Variants in ASTN2 observed in about 807,000 individuals in gnomAD.
ASTN2 encodes the protein astrotactin-2.
ASTN2 carries 54 observed loss-of-function variants against 139.8 expected under a neutral mutation model. The observed-to-expected ratio is 0.39, with a 90% CI of 0.31 to 0.48. The LOEUF (loss-of-function observed/expected upper bound fraction) is 0.48, where lower values mean the gene tolerates loss of function less well. Ranked by LOEUF, ASTN2 falls within the 20% of genes least tolerant of loss-of-function variation. The pLI is 0.95. For missense variants in ASTN2, 1,565 were observed against 1,725.1 expected, an observed-to-expected ratio of 0.91 and a Z score of 1.64; for synonymous variants, 756 against 719.5, an observed-to-expected ratio of 1.05 and a Z score of -0.81.
chr9:116,864,764 G>T (rs1490870707), intron 10 of ASTN2, among the ~76,000 whole-genome samples: 1 of 152,082 alleles, frequency 6.6e-6, no homozygotes, highest in Non-Finnish European at 1.5e-5. Flanking sequence ...AACACTAGAG[G>T]GGGTGTCTCT....
intron 10 of ASTN2, among the ~76,000 whole-genome samples, chr9:116,904,192 A>C (rs1208168594): frequency 6.6e-6 from 1 of 152,160 alleles, no homozygotes; most frequent in Non-Finnish European, 1.5e-5. Context: ...GGCCTACCAC[A>C]GGGCCTGGCA....
intron 5 of ASTN2, among the ~76,000 whole-genome samples, chr9:117,060,562 AAGAG>A (rs1360137127): frequency 1.4e-5 from 2 of 139,106 alleles, no homozygotes; most frequent in Non-Finnish European, 3.1e-5. Flanking sequence ...AAAAGAAAGA[AAGAG>A]GGAGGGAGGG....
intron 19 of ASTN2, among the ~76,000 whole-genome samples, chr9:116,605,507 C>T (rs905304321): frequency 1.1e-4 from 16 of 152,134 alleles, no homozygotes; most frequent in African/African-American, 3.9e-4. Context: ...TATCACCAGA[C>T]AGAAAAACAG....
At chr9:117,262,444 C>T (rs1833848180) in intron 2 of ASTN2, among the ~76,000 whole-genome samples, 1 of 149,432 alleles carries the variant, frequency 6.7e-6, no homozygotes, top group African/African-American at 2.5e-5. Context: ...CATCCTTTCC[C>T]TCTTCATTTT....
intron 17 of ASTN2, among the ~76,000 whole-genome samples, chr9:116,641,336 G>T (rs190511276): frequency 6.6e-6 from 1 of 152,260 alleles, no homozygotes; most frequent in Admixed American, 6.5e-5. Flanking sequence ...AGAGAGGAAA[G>T]TGAGAAGAGG....
At chr9:117,380,909 A>G (rs1830253735) in intron 1 of ASTN2, among the ~76,000 whole-genome samples, 1 of 152,190 alleles carries the variant, frequency 6.6e-6, no homozygotes, top group East Asian at 1.9e-4. Flanking sequence ...TTAGGTATAT[A>G]CCCAAGGAAA....
intron 2 of ASTN2, among the ~76,000 whole-genome samples, chr9:117,229,673 A>G (rs1370616092): frequency 6.6e-6 from 1 of 152,220 alleles, no homozygotes; most frequent in Non-Finnish European, 1.5e-5. Flanking sequence ...ATAAATGTTC[A>G]TGTCACACAG....
At chr9:116,663,152 G>A (rs1858661550) in intron 16 of ASTN2, among the ~76,000 whole-genome samples, 1 of 152,172 alleles carries the variant, frequency 6.6e-6, no homozygotes. Flanking sequence ...GAAATGCTCA[G>A]AAAAGATTAT....
intron 22 of ASTN2, among the ~76,000 whole-genome samples, chr9:116,429,063 G>A (rs905712343): frequency 6.6e-6 from 1 of 152,072 alleles, no homozygotes; most frequent in Admixed American, 6.5e-5. Flanking sequence ...TGGAGGCCAG[G>A]AGCAGTGGCT....
intron 7 of ASTN2, among the ~76,000 whole-genome samples, chr9:116,986,119 G>T (rs1836671259): frequency 6.6e-6 from 1 of 152,044 alleles, no homozygotes; most frequent in African/African-American, 2.4e-5. Flanking sequence ...TATCGTGATT[G>T]CTGCCAGCAC....
intron 13 of ASTN2, among the ~76,000 whole-genome samples, chr9:116,755,617 C>A (rs1470203113): frequency 6.6e-6 from 1 of 152,224 alleles, no homozygotes; most frequent in East Asian, 1.9e-4. Flanking sequence ...CTTAACCCAT[C>A]CAGTTGGTGG....
At chr9:116,904,972 T>C (rs1834115389) in intron 10 of ASTN2, among the ~76,000 whole-genome samples, 1 of 152,008 alleles carries the variant, frequency 6.6e-6, no homozygotes, top group African/African-American at 2.4e-5. Flanking sequence ...CTCCTCCAAG[T>C]CCTCCAAAGG....
At chr9:117,070,106 G>A (rs1297849840) in intron 5 of ASTN2, among the ~76,000 whole-genome samples, 2 of 142,692 alleles carry the variant, frequency 1.4e-5, no homozygotes, top group African/African-American at 5.2e-5. Flanking sequence ...TCCTAGTCTC[G>A]ATGGTCTTTA....
chr9:117,204,773 C>T (rs1381295710), intron 3 of ASTN2, among the ~76,000 whole-genome samples: 1 of 152,112 alleles, frequency 6.6e-6, no homozygotes, highest in Non-Finnish European at 1.5e-5. Context: ...CAAACAACAA[C>T]AAAAAGAAAA....
chr9:116,998,442 G>C (rs1469400493), intron 7 of ASTN2, among the ~76,000 whole-genome samples: 1 of 152,168 alleles, frequency 6.6e-6, no homozygotes, highest in Non-Finnish European at 1.5e-5. Context: ...ACACACTTTA[G>C]CCAGAGTGTT....
intron 7 of ASTN2, among the ~76,000 whole-genome samples, chr9:116,988,655 C>T (rs1836751762): frequency 6.6e-6 from 1 of 152,148 alleles, no homozygotes. Flanking sequence ...CCCTGACCTG[C>T]TTGACTCTGA....
chr9:116,540,037 T>G (rs1487103804), intron 19 of ASTN2, among the ~76,000 whole-genome samples: 1 of 152,220 alleles, frequency 6.6e-6, no homozygotes, highest in Non-Finnish European at 1.5e-5. Context: ...TTAAAATGAA[T>G]CGCATCTTGA....
At chr9:117,138,069 A>C (rs901451954) in intron 4 of ASTN2, among the ~76,000 whole-genome samples, 4 of 152,226 alleles carry the variant, frequency 2.6e-5, no homozygotes, top group African/African-American at 9.6e-5. Context: ...TAATACGCTC[A>C]TTTACTCAAC....
At chr9:116,728,751 A>T (rs1041034991) in intron 15 of ASTN2, among the ~76,000 whole-genome samples, 15 of 151,814 alleles carry the variant, frequency 9.9e-5, no homozygotes, top group Non-Finnish European at 4.4e-5. Flanking sequence ...AAGCCTCTCT[A>T]GCTCCCCCAG....
Sources: allele counts gnomAD v4.1 joint callset (sites outside exome capture counted in the v4.1 genomes callset), GRCh38; gene constraint gnomAD v4.1.1; transcripts MANE v1.5; gene names NCBI Gene and HGNC (gene_info 2026-07-23, HGNC 2026-07-21).